ARHGEF28: variants seen among roughly 807,000 people sequenced by gnomAD.
ARHGEF28 encodes the protein 190 kDa guanine nucleotide exchange factor.
A neutral mutation model predicts 206.6 loss-of-function variants in ARHGEF28; 152 were observed. That is an observed-to-expected ratio of 0.74 (90% CI 0.64 to 0.84). ARHGEF28 has a LOEUF of 0.84. ARHGEF28 is among the 40% of genes least tolerant of loss of function. The pLI, the probability that ARHGEF28 is intolerant of heterozygous loss-of-function variation, is 0.00. For synonymous variants in ARHGEF28, 763 were observed against 776.4 expected (o/e 0.98, Z 0.29); for missense variants, 2,028 against 2,073.2 (o/e 0.98, Z 0.42).
At position 73,868,106 on chromosome 5, in the gene ARHGEF28, G is replaced by T; in HGVS notation, c.2304G>T (p.Arg768Ser). The change falls in exon 20 of 36, where the codon AGG (arginine) becomes AGT (serine). Residue 768 changes from arginine (R) to serine (S), a missense_variant. Physicochemically the swap from Arg to Ser is moderately radical, Grantham distance 110 (BLOSUM62 -1). Around this residue, in one of 3 missense-constraint regions of ARHGEF28, gnomAD observed 1,002 missense variants for 1,015.3 expected, o/e 0.99. Coordinates refer to ENST00000513042, the MANE Select transcript of ARHGEF28 (RefSeq NM_001177693.2). ...SVPGTTLESFRRSATSLESES... is the reference protein window; with the variant it reads ...SVPGTTLESFSRSATSLESES... ...TCCCCTCCCTCTCTCCTAGCTTCAGGAGGTCAGCCACATCCTTGGAGTCTG... is the reference window on the plus strand; with the variant it reads ...TCCCCTCCCTCTCTCCTAGCTTCAGTAGGTCAGCCACATCCTTGGAGTCTG... 1 of 1,612,260 alleles carries T rather than the reference G, an allele frequency of 6.2e-7. No homozygotes were observed. Among genetic ancestry groups the T allele is most frequent in the Non-Finnish European group, 8.5e-7 (1 of 1,179,192 alleles).
chr5:73,655,740 C>T (rs1054707635), intron 1 of ARHGEF28, among the ~76,000 whole-genome samples: 11 of 152,134 alleles, frequency 7.2e-5, no homozygotes, highest in South Asian at 6.2e-4. Flanking sequence ...TAATTTGGGC[C>T]GCCCAGTTCT....
chr5:73,891,806 G>A (rs921449001), intron 26 of ARHGEF28, among the ~76,000 whole-genome samples: 2 of 152,068 alleles, frequency 1.3e-5, no homozygotes, highest in Non-Finnish European at 2.9e-5. Flanking sequence ...ATTACAGGAG[G>A]GAGCCGTTGG....
intron 1 of ARHGEF28, among the ~76,000 whole-genome samples, chr5:73,632,794 C>T (rs369357198): frequency 7.2e-5 from 11 of 152,062 alleles, no homozygotes; most frequent in Non-Finnish European, 1.3e-4. Context: ...TGCTATCTGA[C>T]GGTGTAGAGC....
intron 2 of ARHGEF28, among the ~76,000 whole-genome samples, chr5:73,735,299 G>A (rs988506816): frequency 8.6e-5 from 13 of 151,816 alleles, no homozygotes; most frequent in Admixed American, 1.3e-4. Flanking sequence ...TGCTATGCAA[G>A]TGCCGATATA....
chr5:73,784,533 G>C (rs886968523), intron 7 of ARHGEF28, among the ~76,000 whole-genome samples: 1 of 152,060 alleles, frequency 6.6e-6, no homozygotes, highest in Non-Finnish European at 1.5e-5. Flanking sequence ...ATCCTTGTTT[G>C]ATCTCTCTGT....
At chr5:73,766,180 A>G (rs1752890628) in intron 4 of ARHGEF28, among the ~76,000 whole-genome samples, 1 of 152,028 alleles carries the variant, frequency 6.6e-6, no homozygotes, top group Non-Finnish European at 1.5e-5. Flanking sequence ...AAAACAAAAA[A>G]CAAAACAAAA....
intron 35 of ARHGEF28, among the ~76,000 whole-genome samples, chr5:73,936,785 C>T (rs539993446): frequency 2.8e-4 from 43 of 152,238 alleles, no homozygotes; most frequent in African/African-American, 1.0e-3. Context: ...CCAGGCTGGT[C>T]TCAAACTCCT....
chr5:73,845,309 C>T (rs888380182), intron 11 of ARHGEF28, among the ~76,000 whole-genome samples: 4 of 152,148 alleles, frequency 2.6e-5, no homozygotes, highest in Admixed American at 6.5e-5. Flanking sequence ...AGCCACTGCG[C>T]CCAGCCTCAG....
chr5:73,749,001 C>T (rs537356120), intron 2 of ARHGEF28, among the ~76,000 whole-genome samples: 1 of 152,242 alleles, frequency 6.6e-6, no homozygotes, highest in East Asian at 1.9e-4. Flanking sequence ...GCCTGCTGCC[C>T]CACTTCCTTT....
chr5:73,852,339 C>G (rs1758756743), intron 13 of ARHGEF28, among the ~76,000 whole-genome samples: 2 of 151,988 alleles, frequency 1.3e-5, no homozygotes, highest in South Asian at 4.2e-4. Flanking sequence ...GAAAAGTATC[C>G]AAAAAGATAG....
At chr5:73,780,538 C>T (rs1298796929) in intron 6 of ARHGEF28, 138 bp from the exon 7 acceptor site, 28 of 822,178 alleles carry the variant, frequency 3.4e-5, no homozygotes, top group South Asian at 1.6e-4. Flanking sequence ...GTTCTCCCAG[C>T]GGCTTTCACC....
chr5:73,766,120 A>G (rs543135414), intron 4 of ARHGEF28, among the ~76,000 whole-genome samples: 2 of 151,434 alleles, frequency 1.3e-5, no homozygotes. Flanking sequence ...TGCCACTGCA[A>G]TCCGGCCTGG....
At chr5:73,927,683 T>C (rs181951353) in intron 35 of ARHGEF28, among the ~76,000 whole-genome samples, 1 of 152,342 alleles carries the variant, frequency 6.6e-6, no homozygotes, top group Non-Finnish European at 1.5e-5. Context: ...GATTGCTGTT[T>C]TGGTACTTTA....
rs753597872 is a variant in ARHGEF28, at chr5:73,828,767, CTTCCTTCCT to C, written c.1025-3555_1025-3547del. 1.1e-3 allele frequency among the ~76,000 whole-genome samples: 159 copies of C among 147,550 alleles called. 1 individual carries two copies. Among genetic ancestry groups the C allele is most frequent in the Middle Eastern group, 3.5e-3 (1 of 288 alleles). ...CTTTCTCTCTTCCTCTCTTTCTGTC[CTTCCTTCCT>C]TTCCTTCCTTTCCTTTCTTCCTTCC... On this transcript the variant is annotated intron_variant, in intron 9 of 35. Coordinates refer to ENST00000513042, the MANE Select transcript of ARHGEF28 (RefSeq NM_001177693.2).
intron 9 of ARHGEF28, chr5:73,813,807 A>G (rs1235227957): frequency 1.1e-6 from 1 of 894,248 alleles, no homozygotes; most frequent in Admixed American, 2.5e-5. Context: ...CACTCACTGT[A>G]CAGATACATA....
chr5:73,656,205 C>T (rs1297701037), intron 1 of ARHGEF28, among the ~76,000 whole-genome samples: 1 of 152,144 alleles, frequency 6.6e-6, no homozygotes, highest in Non-Finnish European at 1.5e-5. Flanking sequence ...TTTCTTGTTC[C>T]TACGTGTGCT....
chr5:73,804,082 C>CAAA (rs35722039), intron 9 of ARHGEF28, among the ~76,000 whole-genome samples: 371 of 63,956 alleles, frequency 5.8e-3, no homozygotes, highest in Non-Finnish European at 7.2e-3. Flanking sequence ...GAGACCCTGT[C>CAAA]AAAAAAAAAA....
intron 34 of ARHGEF28, 113 bp downstream of exon 34, chr5:73,910,010 C>G: frequency 7.3e-7 from 1 of 1,362,588 alleles, no homozygotes. Flanking sequence ...AAGAAGACCT[C>G]ATGAGGATTT....
intron 31 of ARHGEF28, chr5:73,903,645 C>T (rs1228887743): frequency 6.5e-6 from 1 of 154,078 alleles, no homozygotes; most frequent in Non-Finnish European, 1.4e-5. Context: ...CTATGGCAGT[C>T]ACTGGTCTGG....
Sources: gnomAD v4.1 joint callset for allele counts (sites outside exome capture counted in the v4.1 genomes callset) on GRCh38, gnomAD v4.1.1 for gene constraint, gnomAD v4.1.1 regional missense constraint, MANE v1.5 for transcripts, NCBI Gene and HGNC (gene_info 2026-07-23, HGNC 2026-07-21) for gene names.